The following KIAA1671 variants were observed in gnomAD, a reference collection of about 807,000 sequenced individuals.
KIAA1671 encodes uncharacterized protein KIAA1671.
KIAA1671 carries 52 observed loss-of-function variants against 131.2 expected under a neutral mutation model. The ratio of observed to expected loss-of-function variants is 0.40; its 90% CI spans 0.32 to 0.50. The LOEUF is 0.50. Among genes scored for constraint, KIAA1671 ranks in the 20% least tolerant of loss-of-function variants. The pLI is 0.73. For synonymous variants in KIAA1671, 1,003 were observed against 961.6 expected (o/e 1.04, Z -0.80); for missense variants, 2,360 against 2,364.2 (o/e 1.00, Z 0.04).
chr22:25,118,130 CTCTG>C, intron 6 of KIAA1671, among the ~76,000 whole-genome samples: 1 of 104,234 alleles, frequency 9.6e-6, no homozygotes, highest in Non-Finnish European at 1.9e-5. Context: ...AAGAATGCAA[CTCTG>C]TCTCAAAAAA....
intron 11 of KIAA1671, among the ~76,000 whole-genome samples, chr22:25,190,386 T>C (rs1934631113): frequency 6.6e-6 from 1 of 152,220 alleles, no homozygotes; most frequent in African/African-American, 2.4e-5. Context: ...TGAATACAGA[T>C]GAAGCTTCGC....
chr22:25,148,940 T>G (rs1390075680), intron 6 of KIAA1671, among the ~76,000 whole-genome samples: 1 of 152,226 alleles, frequency 6.6e-6, no homozygotes, highest in Non-Finnish European at 1.5e-5. Context: ...ACTGGGCTGA[T>G]CTATACCAAG....
chr22:25,108,534 C>T (rs971632681), intron 6 of KIAA1671, among the ~76,000 whole-genome samples: 1 of 152,176 alleles, frequency 6.6e-6, no homozygotes, highest in African/African-American at 2.4e-5. Flanking sequence ...TGCCAGAAGT[C>T]CTGGGACCTA....
At chr22:24,971,596 C>T (rs576628037) in intron 1 of KIAA1671, among the ~76,000 whole-genome samples, 1 of 152,302 alleles carries the variant, frequency 6.6e-6, no homozygotes, top group African/African-American at 2.4e-5. Flanking sequence ...GGGTTATCCC[C>T]TGGGGTCCCC....
intron 6 of KIAA1671, among the ~76,000 whole-genome samples, chr22:25,112,997 G>A (rs1931446577): frequency 6.6e-6 from 1 of 151,924 alleles, no homozygotes; most frequent in Non-Finnish European, 1.5e-5. Flanking sequence ...GGTGTGAGTG[G>A]GCCAGGGAGG....
intron 6 of KIAA1671, among the ~76,000 whole-genome samples, chr22:25,147,399 G>A (rs745434398): frequency 1.8e-4 from 28 of 151,884 alleles, no homozygotes; most frequent in Non-Finnish European, 3.1e-4. Context: ...CACCATGTTG[G>A]CCAGGCTGGT....
chr22:24,987,161 T>C (rs1923591473), intron 1 of KIAA1671, among the ~76,000 whole-genome samples: 1 of 150,654 alleles, frequency 6.6e-6, no homozygotes. Flanking sequence ...ATTTATTTAT[T>C]ATTATTATTA....
intron 6 of KIAA1671, among the ~76,000 whole-genome samples, chr22:25,093,794 CTCTCTCTCTCTCTCTCTG>C (rs1568951329): frequency 3.1e-5 from 4 of 129,480 alleles, no homozygotes; most frequent in Admixed American, 7.5e-5. Flanking sequence ...CTCTCTCTCT[CTCTCTCTCTCTCTCTCTG>C]TCTCTCTCTC....
chr22:25,016,072 G>A (rs1015780655), intron 1 of KIAA1671, among the ~76,000 whole-genome samples: 4 of 151,190 alleles, frequency 2.6e-5, no homozygotes, highest in Non-Finnish European at 5.9e-5. Context: ...CCAGGCTGGA[G>A]TGCAATGGTG....
At chr22:25,129,572 A>T (rs1248647875) in intron 6 of KIAA1671, among the ~76,000 whole-genome samples, 1 of 149,246 alleles carries the variant, frequency 6.7e-6, no homozygotes, top group South Asian at 2.1e-4. Flanking sequence ...AGCTTTTCCC[A>T]GCTTTGCAAT....
At chr22:25,074,611 A>G (rs1601287064) in intron 6 of KIAA1671, among the ~76,000 whole-genome samples, 1 of 147,884 alleles carries the variant, frequency 6.8e-6, no homozygotes, top group Non-Finnish European at 1.5e-5. Context: ...ATATATGGAA[A>G]CATGTGTCCA....
chr22:25,003,144 G>C (rs983998129), intron 1 of KIAA1671, among the ~76,000 whole-genome samples: 25 of 152,186 alleles, frequency 1.6e-4, no homozygotes, highest in Admixed American at 4.6e-4. Context: ...AGGCAACACA[G>C]TAAAGGAATC....
At chr22:24,968,932 CCCT>C (rs1922450571) in intron 1 of KIAA1671, among the ~76,000 whole-genome samples, 3 of 152,086 alleles carry the variant, frequency 2.0e-5, no homozygotes, top group Admixed American at 6.6e-5. Flanking sequence ...CAGGGCCTTG[CCCT>C]GTCACCCAGG....
In KIAA1671 at chr22:25,170,653, T is replaced by C. The variant is rs1376418971; in HGVS notation, c.4531-167T>C. 2.0e-5 allele frequency among the ~76,000 whole-genome samples: 3 copies of C among 152,208 alleles called. No homozygotes were observed. In the East Asian group the frequency reaches 5.8e-4, roughly 29 times the overall value. ...TGATATCTTGGTAAACCAGGACGAT[T>C]GGTCACGCTAGTGCCCAGCCAAGAT... On this transcript the variant is annotated intron_variant, in intron 6 of 12. Transcript: ENST00000358431.
At chr22:24,983,792 T>C (rs1248765146) in intron 1 of KIAA1671, among the ~76,000 whole-genome samples, 1 of 150,494 alleles carries the variant, frequency 6.6e-6, no homozygotes, top group African/African-American at 2.4e-5. Flanking sequence ...TTTTTTTTTT[T>C]TTTGAGACAG....
chr22:25,065,641 A>AT (rs1928429534), intron 6 of KIAA1671, among the ~76,000 whole-genome samples: 1 of 150,900 alleles, frequency 6.6e-6, no homozygotes. Context: ...TATTATTATT[A>AT]TTATTATTTT....
intron 6 of KIAA1671, among the ~76,000 whole-genome samples, chr22:25,131,353 C>T (rs1052879427): frequency 1.3e-5 from 2 of 152,206 alleles, no homozygotes; most frequent in East Asian, 1.9e-4. Context: ...GTGCCCGGCA[C>T]GTGCCTGGTA....
In KIAA1671 at chr22:25,037,880, C is replaced by T. The variant is rs1029583868; in HGVS notation, c.1630-880C>T. 7.5e-3 allele frequency among the ~76,000 whole-genome samples: 1,149 copies of T among 152,236 alleles called. 14 individuals carry two copies. The highest frequency in any genetic ancestry group is 0.026 in the African/African-American group (1,098 of 41,518). ...TTTTAGACAGAGACTCACTCTGTCA[C>T]CCAGGCTGGAGTGCAGTGGCACGAC... On this transcript the variant is annotated intron_variant, in intron 4 of 12. Coordinates refer to ENST00000358431, the MANE Select transcript of KIAA1671 (RefSeq NM_001145206.2).
chr22:25,011,634 C>CTTTTTTTTTTTTTTTTTTTTTTT (rs35127110), intron 1 of KIAA1671: 2 of 87,758 alleles, frequency 2.3e-5, no homozygotes, highest in African/African-American at 3.9e-5. Context: ...CTTTTCTTTT[C>CTTTTTTTTTTTTTTTTTTTTTTT]TTTTTTTTTT....
Sources: allele counts gnomAD v4.1 joint callset (sites outside exome capture counted in the v4.1 genomes callset), GRCh38; gene constraint gnomAD v4.1.1; transcripts MANE v1.5; gene names NCBI Gene and HGNC (gene_info 2026-07-23, HGNC 2026-07-21).